The following MARCKS variants were observed in gnomAD, a reference collection of about 807,000 sequenced individuals.
The protein encoded by MARCKS is myristoylated alanine rich protein kinase C substrate, also known as myristoylated alanine-rich C-kinase substrate.
A neutral mutation model predicts 6.3 loss-of-function variants in MARCKS; 4 were observed. That is an observed-to-expected ratio of 0.63 (90% CI 0.31 to 1.45). The LOEUF is 1.45. Ranked by LOEUF, MARCKS falls within the 40% of genes most tolerant of loss-of-function variation. The pLI is 0.07. For synonymous variants in MARCKS, 289 were observed against 236.5 expected, an observed-to-expected ratio of 1.22 and a Z score of -2.04; for missense variants, 636 against 485.7, an observed-to-expected ratio of 1.31 and a Z score of -2.91.
Position 113,860,186 on chromosome 6 carries a change from G to T in MARCKS, c.606G>T (p.Ala202=). Residue 202 remains alanine, a synonymous_variant, in exon 2 of 2, where the codon GCG becomes GCT. Transcript: ENST00000612661. ...GKDEAAGGAA[A]AAAEAGAASG... ...ACGAGGCCGCCGGGGGCGCAGCTGC[G>T]GCCGCCGCCGAGGCGGGCGCGGCCT... The T allele has an allele frequency of 1.7e-6, 2 of 1,197,806 alleles. No individual in the cohort carries two copies. The highest frequency in any genetic ancestry group is 2.1e-6 in the Non-Finnish European group (2 of 959,080). 74.2% of individuals were successfully genotyped at this position (1,197,806 alleles called of 1,614,324 possible).
rs1215588448 is a variant in MARCKS, at chr6:113,859,808, G to C, written c.228G>C (p.Gly76=). 5 of 1,352,180 alleles carry C rather than the reference G, an allele frequency of 3.7e-6. No homozygotes were observed. Among genetic ancestry groups the C allele is most frequent in the Non-Finnish European group, 4.7e-6 (5 of 1,055,792 alleles). 83.8% of individuals were successfully genotyped at this position (1,352,180 alleles called of 1,614,324 possible). A position where few individuals can be genotyped will look rare whatever the true frequency, so the allele number is the denominator to read the frequency against. ...ACAAGGAGGAGCCCGCGGCCGCCGG[G>C]AGCGGGGCGGCGTCGCCCTCCGCGG... ...AADKEEPAAA[G]SGAASPSAAE... The change falls in exon 2 of 2, where the codon GGG becomes GGC. Residue 76 remains glycine (G), a synonymous_variant. Coordinates refer to ENST00000612661, the MANE Select transcript of MARCKS (RefSeq NM_002356.7).
In MARCKS at chr6:113,859,895, G is replaced by C; in HGVS notation, c.315G>C (p.Lys105Asn). The change falls in exon 2 of 2, where the codon AAG becomes AAC. Residue 105 changes from lysine to asparagine, a missense_variant. Transcript: ENST00000612661. Reference protein sequence around the residue: ...APEAGASPVEKEAPAEGEAAE... With the variant: ...APEAGASPVENEAPAEGEAAE... ...AGGCCGGGGCCAGCCCGGTAGAGAA[G>C]GAGGCCCCCGCGGAAGGCGAGGCTG... is the stretch of plus-strand genomic sequence containing the variant. The C allele has an allele frequency of 1.4e-6, 2 of 1,441,732 alleles. No individual in the cohort carries two copies. The highest frequency in any genetic ancestry group is 1.8e-6 in the Non-Finnish European group (2 of 1,100,470). The allele number at this position is 1,441,732 out of a possible 1,614,324, so 89.3% of individuals were successfully genotyped here.
At position 113,857,790 on chromosome 6, in the gene MARCKS, C is replaced by T. The variant is rs751968851; in HGVS notation, c.45C>T (p.Ala15=). The T allele has an allele frequency of 6.2e-7, 1 of 1,609,514 alleles. No homozygotes were observed. The highest frequency in any genetic ancestry group is 1.1e-5 in the South Asian group (1 of 90,134). ...AGACCGCAGCGAAGGGAGAAGCCGC[C>T]GCGGAGAGGCCTGGGGAGGCGGCTG... is the stretch of plus-strand genomic sequence containing the variant. ...FSKTAAKGEA[A]AERPGEAAVA... The change falls in exon 1 of 2, where the codon GCC becomes GCT. Residue 15 remains alanine (A), a synonymous_variant. Coordinates refer to ENST00000612661, the MANE Select transcript of MARCKS (RefSeq NM_002356.7).
intron 1 of MARCKS, 30 bp downstream of exon 1, chr6:113,857,877 A>G: frequency 6.5e-7 from 1 of 1,540,766 alleles, no homozygotes; most frequent in Non-Finnish European, 8.8e-7. Flanking sequence ...GTGGTCATTT[A>G]TTTCGTGTCT....
At chr6:113,858,794 G>T (rs1326421745) in intron 1 of MARCKS, among the ~76,000 whole-genome samples, 1 of 152,240 alleles carries the variant, frequency 6.6e-6, no homozygotes, top group African/African-American at 2.4e-5. Flanking sequence ...CTGCCAAGAG[G>T]CTTTAAACCC....
Position 113,860,422 on chromosome 6 carries a change from C to G in MARCKS, c.842C>G (p.Ala281Gly). ...EAGASAAACEAPSAAGPGAPP... is the reference protein window; with the variant it reads ...EAGASAAACEGPSAAGPGAPP... ...GGGGCCAGCGCCGCCGCCTGCGAGG[C>G]CCCCTCCGCCGCCGGGCCCGGCGCG... Residue 281 changes from alanine to glycine, a missense_variant, in exon 2 of 2, where the codon GCC becomes GGC. Ala to Gly is a moderately conservative substitution (Grantham distance 60, BLOSUM62 0). Coordinates refer to ENST00000612661, the MANE Select transcript of MARCKS (RefSeq NM_002356.7). 1 of 1,148,722 alleles carries G rather than the reference C, an allele frequency of 8.7e-7. No homozygotes were observed. The allele number at this position is 1,148,722 out of a possible 1,614,324, so 71.2% of individuals were successfully genotyped here.
Position 113,859,745 on chromosome 6 carries a change from G to A in MARCKS, c.165G>A (p.Lys55=), listed in dbSNP as rs1431584395. The A allele has an allele frequency of 2.0e-6, 3 of 1,497,800 alleles. No individual in the cohort carries two copies. Among genetic ancestry groups the A allele is most frequent in the Admixed American group, 2.3e-5 (1 of 44,050 alleles). The allele number at this position is 1,497,800 out of a possible 1,614,324, so 92.8% of individuals were successfully genotyped here. A position where few individuals can be genotyped will look rare whatever the true frequency, so the allele number is the denominator to read the frequency against. The part of the protein sequence containing the change: ...ASPAAAESGA[K]EELQANGSAP... The stretch of plus-strand genomic sequence containing the variant: ...CCGCGGCCGCCGAGTCGGGCGCCAA[G>A]GAGGAGCTGCAGGCCAACGGCAGCG... The change falls in exon 2 of 2, where the codon AAG becomes AAA. Residue 55 remains lysine (K), a synonymous_variant. Coordinates refer to ENST00000612661, the MANE Select transcript of MARCKS (RefSeq NM_002356.7).
chr6:113,859,642 C>A (rs1189135706), intron 1 of MARCKS, 41 bp from the exon 2 acceptor site: 1 of 1,440,538 alleles, frequency 6.9e-7, no homozygotes, highest in Non-Finnish European at 9.2e-7. Flanking sequence ...TGGCGGCGCC[C>A]CGGCCGCTTC....
rs927637047 is a variant in MARCKS, at chr6:113,862,250, C to T, written c.*1671C>T. The T allele has an allele frequency of 6.6e-6, 1 of 151,980 alleles. No homozygotes were observed. The highest frequency in any genetic ancestry group is 1.5e-5 in the Non-Finnish European group (1 of 67,910). 9.4% of individuals were successfully genotyped at this position (151,980 alleles called of 1,614,324 possible). On this transcript the variant is annotated 3_prime_UTR_variant, in exon 2 of 2. Coordinates refer to ENST00000612661, the MANE Select transcript of MARCKS (RefSeq NM_002356.7). Reference sequence around the variant, plus strand: ...TCATGAAATGTGACCAAATGTGTTTCAAAAATTGATGGTGTATTACCTGCT... The same window carrying T: ...TCATGAAATGTGACCAAATGTGTTTTAAAAATTGATGGTGTATTACCTGCT...
Position 113,860,684 on chromosome 6 carries a change from G to T in MARCKS, c.*105G>T. The T allele has an allele frequency of 1.4e-6, 1 of 740,342 alleles. No individual in the cohort carries two copies. Among genetic ancestry groups the T allele is most frequent in the Non-Finnish European group, 2.0e-6 (1 of 512,156 alleles). The allele number at this position is 740,342 out of a possible 1,614,324, so 45.9% of individuals were successfully genotyped here. On this transcript the variant is annotated 3_prime_UTR_variant, in exon 2 of 2. Coordinates refer to ENST00000612661, the MANE Select transcript of MARCKS (RefSeq NM_002356.7). ...GAGAACTTGTCTACAACCAGGGATT[G>T]ATTTTAAAGATGTCTTTTTTTATTT... is the stretch of plus-strand genomic sequence containing the variant.
chr6:113,860,553 G>T lies in MARCKS; in HGVS notation c.973G>T (p.Ala325Ser), dbSNP rs747929249. 3 of 1,558,200 alleles carry T rather than the reference G, an allele frequency of 1.9e-6. No individual in the cohort carries two copies. Among genetic ancestry groups the T allele is most frequent in the African/African-American group, 2.9e-5 (2 of 70,068 alleles). Residue 325 changes from alanine (A) to serine (S), a missense_variant, in exon 2 of 2, where the codon GCC (alanine) becomes TCC (serine). By Grantham distance (99) the Ala-to-Ser change is moderately conservative. Transcript: ENST00000612661. ...QEAQPECSPE[A>S]PPAEAAE ...GGCCCAGCCCGAGTGCAGTCCAGAA[G>T]CCCCCCCAGCGGAGGCGGCAGAGTA...
rs2114523798 is a variant in MARCKS, at chr6:113,862,000, G to A, written c.*1421G>A. 1 of 152,060 alleles carries A rather than the reference G, an allele frequency of 6.6e-6. No individual in the cohort carries two copies. The highest frequency in any genetic ancestry group is 2.1e-4 in the South Asian group (1 of 4,818). 9.4% of individuals were successfully genotyped at this position (152,060 alleles called of 1,614,324 possible). On this transcript the variant is annotated 3_prime_UTR_variant, in exon 2 of 2. Transcript: ENST00000612661. ...CTTACAACATTTCCATGTCAAATCT[G>A]TTACCATTTATTGGCATTTAGTTTT...
chr6:113,860,599 A>G lies in MARCKS; in HGVS notation c.*20A>G. 1 of 1,514,984 alleles carries G rather than the reference A, an allele frequency of 6.6e-7. No homozygotes were observed. Among genetic ancestry groups the G allele is most frequent in the Non-Finnish European group, 8.8e-7 (1 of 1,135,416 alleles). 93.8% of individuals were successfully genotyped at this position (1,514,984 alleles called of 1,614,324 possible). A position where few individuals can be genotyped will look rare whatever the true frequency, so the allele number is the denominator to read the frequency against. On this transcript the variant is annotated 3_prime_UTR_variant, in exon 2 of 2. Coordinates refer to ENST00000612661, the MANE Select transcript of MARCKS (RefSeq NM_002356.7). ...GAGTAAAAGAGCAAGCTTTTGTGAG[A>G]TAATCGAAGAACTTTTCTCCCCCGT...
In MARCKS at chr6:113,859,957, C is replaced by A; in HGVS notation, c.377C>A (p.Ala126Asp). 1 of 1,508,788 alleles carries A rather than the reference C, an allele frequency of 6.6e-7. No homozygotes were observed. The highest frequency in any genetic ancestry group is 8.8e-7 in the Non-Finnish European group (1 of 1,135,004). 93.5% of individuals were successfully genotyped at this position (1,508,788 alleles called of 1,614,324 possible). A position where few individuals can be genotyped will look rare whatever the true frequency, so the allele number is the denominator to read the frequency against. ...TCGCCCACGGCCGCGGAGGGAGAGG[C>A]CGCGTCGGCCGCCTCCTCGACTTCT... is the stretch of plus-strand genomic sequence containing the variant. ...PGSPTAAEGE[A>D]ASAASSTSSP... Residue 126 changes from alanine (A) to aspartate (D), a missense_variant, in exon 2 of 2, where the codon GCC becomes GAC. Transcript: ENST00000612661.
intron 1 of MARCKS, 142 bp from the exon 2 acceptor site, chr6:113,859,537 GCCTC>G (rs1294714644): frequency 5.9e-5 from 37 of 628,126 alleles, no homozygotes; most frequent in Non-Finnish European, 8.7e-5. Flanking sequence ...ATCCACCCGC[GCCTC>G]CCTCCCCACA....
At position 113,859,723 on chromosome 6, in the gene MARCKS, C is replaced by G; in HGVS notation, c.143C>G (p.Ala48Gly). Residue 48 changes from alanine to glycine, a missense_variant, in exon 2 of 2, where the codon GCG becomes GGG. Coordinates refer to ENST00000612661, the MANE Select transcript of MARCKS (RefSeq NM_002356.7). ...HVKVNGDASP[A>G]AAESGAKEEL... Reference sequence around the variant, plus strand: ...AAGGTAAACGGCGACGCTTCGCCCGCGGCCGCCGAGTCGGGCGCCAAGGAG... The same window carrying G: ...AAGGTAAACGGCGACGCTTCGCCCGGGGCCGCCGAGTCGGGCGCCAAGGAG... The G allele has an allele frequency of 6.7e-7, 1 of 1,502,548 alleles. No homozygotes were observed. Among genetic ancestry groups the G allele is most frequent in the Non-Finnish European group, 8.9e-7 (1 of 1,126,592 alleles). The allele number at this position is 1,502,548 out of a possible 1,614,324, so 93.1% of individuals were successfully genotyped here.
rs1174636403 is a variant in MARCKS at position 113,860,312 on chromosome 6, C to T, written c.732C>T (p.Val244=). The change falls in exon 2 of 2, where the codon GTC becomes GTT. Residue 244 remains valine, a synonymous_variant. Coordinates refer to ENST00000612661, the MANE Select transcript of MARCKS (RefSeq NM_002356.7). The part of the protein sequence containing the change: ...PQEAKPQEAA[V]APEKPPASDE... The stretch of plus-strand genomic sequence containing the variant: ...AGGCCAAGCCCCAGGAGGCCGCTGT[C>T]GCGCCAGAGAAGCCGCCCGCCAGCG... 2 of 1,292,070 alleles carry T rather than the reference C, an allele frequency of 1.5e-6. No homozygotes were observed. The highest frequency in any genetic ancestry group is 2.7e-5 in the South Asian group (2 of 74,234). 80.0% of individuals were successfully genotyped at this position (1,292,070 alleles called of 1,614,324 possible).
In MARCKS at chr6:113,860,701, TTTTTA is replaced by T. The variant is rs1210097226; in HGVS notation, c.*128_*132del. On this transcript the variant is annotated 3_prime_UTR_variant, in exon 2 of 2. Transcript: ENST00000612661. ...CAGGGATTGATTTTAAAGATGTCTT[TTTTTA>T]TTTTACTTTTTTTTAAGCACCAAAT... The T allele has an allele frequency of 2.8e-6, 2 of 712,400 alleles. No homozygotes were observed. Among genetic ancestry groups the T allele is most frequent in the South Asian group, 3.3e-5 (1 of 30,430 alleles). 44.1% of individuals were successfully genotyped at this position (712,400 alleles called of 1,614,324 possible).
Position 113,860,598 on chromosome 6 carries a change from G to C in MARCKS, c.*19G>C. 1 of 1,515,580 alleles carries C rather than the reference G, an allele frequency of 6.6e-7. No individual in the cohort carries two copies. Among genetic ancestry groups the C allele is most frequent in the Non-Finnish European group, 8.8e-7 (1 of 1,135,858 alleles). 93.9% of individuals were successfully genotyped at this position (1,515,580 alleles called of 1,614,324 possible). A position where few individuals can be genotyped will look rare whatever the true frequency, so the allele number is the denominator to read the frequency against. ...AGAGTAAAAGAGCAAGCTTTTGTGA[G>C]ATAATCGAAGAACTTTTCTCCCCCG... On this transcript the variant is annotated 3_prime_UTR_variant, in exon 2 of 2. Coordinates refer to ENST00000612661, the MANE Select transcript of MARCKS (RefSeq NM_002356.7).
Sources: gnomAD v4.1 joint callset for allele counts (sites outside exome capture counted in the v4.1 genomes callset) on GRCh38, gnomAD v4.1.1 for gene constraint, MANE v1.5 for transcripts, NCBI Gene and HGNC (gene_info 2026-07-23, HGNC 2026-07-21) for gene names.